PRPSAP2: variants seen among roughly 807,000 people sequenced by gnomAD.
The protein encoded by PRPSAP2 is phosphoribosyl pyrophosphate synthetase associated protein 2.
A neutral mutation model predicts 40.6 loss-of-function variants in PRPSAP2; 24 were observed. The observed-to-expected ratio is 0.59, with a 90% CI of 0.43 to 0.83. PRPSAP2 has a LOEUF of 0.83. Among genes scored for constraint, PRPSAP2 ranks in the 40% least tolerant of loss-of-function variants. The pLI is 0.00. For missense variants in PRPSAP2, 292 were observed against 465.6 expected, an observed-to-expected ratio of 0.63 and a Z score of 3.43; for synonymous variants, 149 against 164.7, an observed-to-expected ratio of 0.90 and a Z score of 0.73.
At chr17:18,859,110 C>T (rs865814635) in intron 1 of PRPSAP2, among the ~76,000 whole-genome samples, 3 of 152,272 alleles carry the variant, frequency 2.0e-5, no homozygotes, top group African/African-American at 7.2e-5. Flanking sequence ...GGAACCTTTA[C>T]ACAGGTCTGG....
chr17:18,887,391 G>A (rs191749366), intron 7 of PRPSAP2, among the ~76,000 whole-genome samples: 2 of 152,014 alleles, frequency 1.3e-5, no homozygotes, highest in East Asian at 1.9e-4. Flanking sequence ...GCACCACCAC[G>A]CCTGGCTAAT....
chr17:18,910,504 AAGC>A (rs2040892527), intron 8 of PRPSAP2, among the ~76,000 whole-genome samples: 1 of 151,294 alleles, frequency 6.6e-6, no homozygotes, highest in African/African-American at 2.4e-5. Flanking sequence ...TAGTGACAGA[AAGC>A]AGATCAGCTG....
chr17:18,892,688 AGTGTGTGTGTGTGTGT>A (rs3043879), intron 8 of PRPSAP2, among the ~76,000 whole-genome samples: 2 of 75,402 alleles, frequency 2.7e-5, no homozygotes, highest in East Asian at 3.3e-4. Context: ...CAGCCTGTTG[AGTGTGTGTGTGTGTGT>A]GTGTGTGTGT....
chr17:18,928,691 G>T (rs547809682), intron 10 of PRPSAP2, 120 bp from the exon 11 acceptor site: 167 of 1,363,224 alleles, frequency 1.2e-4, no homozygotes, highest in Non-Finnish European at 1.1e-4. Context: ...TCTGCACAAG[G>T]CCAAGTGGAA....
chr17:18,858,044 T>C (rs1288878986), upstream of PRPSAP2: 4 of 139,034 alleles, frequency 2.9e-5, no homozygotes, highest in African/African-American at 5.6e-5. Context: ...CCTTACCCAC[T>C]GGTGGGCCAC....
At chr17:18,862,340 T>C (rs899911561) in intron 1 of PRPSAP2, among the ~76,000 whole-genome samples, 2 of 152,186 alleles carry the variant, frequency 1.3e-5, no homozygotes, top group African/African-American at 4.8e-5. Flanking sequence ...TGGGCTGAAC[T>C]ACCTCTAAGA....
chr17:18,897,625 C>T (rs2039993659), intron 8 of PRPSAP2, among the ~76,000 whole-genome samples: 1 of 152,052 alleles, frequency 6.6e-6, no homozygotes, highest in Non-Finnish European at 1.5e-5. Context: ...TCACACCCAG[C>T]TAATTTTTGT....
At position 18,914,067 on chromosome 17, in the gene PRPSAP2, G is replaced by A. The variant is rs372843468; in HGVS notation, c.733+2816G>A. ...TGCGTGCCTTAAATCCCAACTACTC[G>A]GGAGGCTAAGGCAGGAGAATCACTT... On this transcript the variant is annotated intron_variant, in intron 9 of 11. Coordinates refer to ENST00000268835, the MANE Select transcript of PRPSAP2 (RefSeq NM_002767.4). Among the ~76,000 whole-genome samples, 43 of 151,154 alleles carry A rather than the reference G, an allele frequency of 2.8e-4. No individual in the cohort carries two copies. The East Asian group carries it at 7.1e-3, about 25-fold the overall frequency.
At chr17:18,902,012 G>A (rs1597673057) in intron 8 of PRPSAP2, among the ~76,000 whole-genome samples, 1 of 151,396 alleles carries the variant, frequency 6.6e-6, no homozygotes, top group Admixed American at 6.6e-5. Flanking sequence ...TCTAACTCTA[G>A]GGTACAAGTA....
intron 8 of PRPSAP2, among the ~76,000 whole-genome samples, chr17:18,902,327 G>A (rs2040317629): frequency 6.6e-6 from 1 of 152,172 alleles, no homozygotes; most frequent in Non-Finnish European, 1.5e-5. Flanking sequence ...GGCTGATGAG[G>A]CCTAGGAAGA....
rs574203117 is a variant in PRPSAP2, at chr17:18,899,519, G to GTTTTTTTTT, written c.584+9660_584+9668dup. 3.3e-5 allele frequency among the ~76,000 whole-genome samples: 2 copies of GTTTTTTTTT among 60,576 alleles called. 1 individual carries two copies. The highest frequency in any genetic ancestry group is 1.6e-3 in the South Asian group (2 of 1,216). 39.7% of individuals were successfully genotyped at this position (60,576 alleles called of 152,430 possible). On this transcript the variant is annotated intron_variant, in intron 8 of 11. Transcript: ENST00000268835. ...TCTGCTGTTGAGTATATCCAACTGAGTTTTTTTTTTTTTTTTTTTTTTTTT... is the reference window on the plus strand; with the variant it reads ...TCTGCTGTTGAGTATATCCAACTGAGTTTTTTTTTTTTTTTTTTTTTTTTTTTTTTTTTT...
At chr17:18,887,665 C>A (rs1165361125) in intron 7 of PRPSAP2, among the ~76,000 whole-genome samples, 1 of 152,082 alleles carries the variant, frequency 6.6e-6, no homozygotes, top group African/African-American at 2.4e-5. Context: ...TTACTTTTTG[C>A]ATACTTATAT....
At position 18,907,365 on chromosome 17, in the gene PRPSAP2, C is replaced by T. The variant is rs2040661093; in HGVS notation, c.585-3738C>T. Among the ~76,000 whole-genome samples, 2 of 152,158 alleles carry T rather than the reference C, an allele frequency of 1.3e-5. 1 individual carries two copies. The highest frequency in any genetic ancestry group is 1.3e-4 in the Admixed American group (2 of 15,268). ...TTCAAGAGGACAAAACAGTTCTAAA[C>T]ATTTATAAACTAAATGACAGTGTTT... On this transcript the variant is annotated intron_variant, in intron 8 of 11. Transcript: ENST00000268835.
At chr17:18,914,423 A>T (rs1436882440) in intron 9 of PRPSAP2, among the ~76,000 whole-genome samples, 4 of 135,052 alleles carry the variant, frequency 3.0e-5, no homozygotes, top group African/African-American at 8.2e-5. Flanking sequence ...GGCCTGGCTA[A>T]TTTTTTTTTT....
intron 7 of PRPSAP2, among the ~76,000 whole-genome samples, chr17:18,885,086 C>T (rs1488230533): frequency 2.0e-5 from 3 of 151,968 alleles, no homozygotes; most frequent in African/African-American, 7.2e-5. Flanking sequence ...TGAAAAAATC[C>T]CCATTTTAGT....
upstream of PRPSAP2, among the ~76,000 whole-genome samples, chr17:18,857,276 A>G (rs1287599028): frequency 6.6e-6 from 1 of 151,878 alleles, no homozygotes; most frequent in Middle Eastern, 3.2e-3. Flanking sequence ...CGAAGTTTGC[A>G]GTGAGCTGAG....
chr17:18,929,367 T>TAATAATAAG (rs2042138728), intron 11 of PRPSAP2, among the ~76,000 whole-genome samples: 1 of 149,906 alleles, frequency 6.7e-6, no homozygotes, highest in Non-Finnish European at 1.5e-5. Context: ...CAAATAATAA[T>TAATAATAAG]AATAATAATA....
intron 9 of PRPSAP2, chr17:18,917,592 T>TA (rs2041434217): frequency 6.3e-5 from 5 of 79,708 alleles, no homozygotes; most frequent in African/African-American, 3.1e-4. Context: ...TTATTTTTTT[T>TA]TTTTTTTTTT....
upstream of PRPSAP2, chr17:18,856,447 G>A (rs1480242705): frequency 6.6e-6 from 1 of 152,134 alleles, no homozygotes; most frequent in Non-Finnish European, 1.5e-5. Flanking sequence ...GATAATCACT[G>A]GGCTCATGGG....
Sources: allele counts gnomAD v4.1 joint callset (sites outside exome capture counted in the v4.1 genomes callset), GRCh38; gene constraint gnomAD v4.1.1; transcripts MANE v1.5; gene names NCBI Gene and HGNC (gene_info 2026-07-23, HGNC 2026-07-21).